Variants in MYOF observed in about 807,000 individuals in gnomAD.
MYOF encodes myoferlin.
A neutral mutation model predicts 284.2 loss-of-function variants in MYOF; 244 were observed. The observed-to-expected ratio is 0.86, with a 90% CI of 0.77 to 0.95. MYOF has a LOEUF of 0.95. MYOF is among the 40% of genes least tolerant of loss of function. The probability of loss-of-function intolerance (pLI) is 0.00; values close to 1 mark genes in which losing one functional copy is unlikely to be tolerated. For missense variants in MYOF, 2,496 were observed against 2,560.6 expected (o/e 0.97, Z 0.54); for synonymous variants, 904 against 919.7 (o/e 0.98, Z 0.31).
intron 5 of MYOF, among the ~76,000 whole-genome samples, chr10:93,416,526 A>AAAAAAG (rs374561844): frequency 2.0e-5 from 3 of 151,982 alleles, no homozygotes; most frequent in African/African-American, 7.3e-5. Context: ...CCATCTGAAG[A>AAAAAAG]AAAAAGAAAA....
At chr10:93,456,661 G>A (rs2056750439) in intron 2 of MYOF, among the ~76,000 whole-genome samples, 1 of 152,166 alleles carries the variant, frequency 6.6e-6, no homozygotes, top group South Asian at 2.1e-4. Context: ...TGCCAGTCCA[G>A]GCTTCCCTTG....
intron 1 of MYOF, among the ~76,000 whole-genome samples, chr10:93,457,975 C>T (rs777702736): frequency 3.8e-4 from 57 of 151,512 alleles, no homozygotes; most frequent in Non-Finnish European, 7.4e-4. Flanking sequence ...AACCCCTGAG[C>T]TCAAGTGATC....
At chr10:93,332,818 G>A (rs1160890839) in intron 43 of MYOF, among the ~76,000 whole-genome samples, 1 of 152,110 alleles carries the variant, frequency 6.6e-6, no homozygotes. Flanking sequence ...CTGCACTCCA[G>A]CATGGGTGAC....
intron 3 of MYOF, among the ~76,000 whole-genome samples, chr10:93,432,612 T>A (rs900811772): frequency 9.9e-5 from 15 of 152,172 alleles, no homozygotes; most frequent in Admixed American, 1.3e-4. Context: ...TAGGGTTAGC[T>A]TGCTGTCCCC....
chr10:93,418,200 C>A (rs1469901164), intron 5 of MYOF, among the ~76,000 whole-genome samples: 1 of 152,132 alleles, frequency 6.6e-6, no homozygotes, highest in African/African-American at 2.4e-5. Flanking sequence ...AAGGTCATTG[C>A]CCAAGCACAA....
At chr10:93,330,471 G>A (rs1227854704) in intron 43 of MYOF, among the ~76,000 whole-genome samples, 1 of 152,184 alleles carries the variant, frequency 6.6e-6, no homozygotes, top group Non-Finnish European at 1.5e-5. Context: ...AGGGGAGTGA[G>A]TGTGATTCAC....
At chr10:93,365,696 T>C (rs1436104557) in intron 26 of MYOF, among the ~76,000 whole-genome samples, 2 of 152,224 alleles carry the variant, frequency 1.3e-5, no homozygotes, top group Non-Finnish European at 2.9e-5. Context: ...GAGTCTCTTG[T>C]GTTTCTGCGC....
intron 50 of MYOF, among the ~76,000 whole-genome samples, chr10:93,313,582 T>G (rs915409912): frequency 1.3e-5 from 2 of 152,156 alleles, no homozygotes; most frequent in Non-Finnish European, 2.9e-5. Flanking sequence ...CATTTGGCTT[T>G]GGGTAAAGAC....
chr10:93,382,429 TAAAG>T (rs1846168597), intron 19 of MYOF, among the ~76,000 whole-genome samples: 2 of 152,172 alleles, frequency 1.3e-5, no homozygotes, highest in Admixed American at 1.3e-4. Context: ...GAAATAACAA[TAAAG>T]ATTTTCATGT....
At chr10:93,469,700 G>T (rs1235155637) in intron 1 of MYOF, among the ~76,000 whole-genome samples, 2 of 152,144 alleles carry the variant, frequency 1.3e-5, no homozygotes, top group Admixed American at 6.6e-5. Flanking sequence ...GAGTTCACGT[G>T]CCTGACCACA....
chr10:93,402,762 C>A, intron 10 of MYOF, 98 bp downstream of exon 10: 2 of 1,073,520 alleles, frequency 1.9e-6, no homozygotes, highest in Non-Finnish European at 2.7e-6. Flanking sequence ...AACTTTAATT[C>A]TTTGATCCCC....
chr10:93,480,822 A>G (rs893978714), intron 1 of MYOF, among the ~76,000 whole-genome samples: 7 of 152,072 alleles, frequency 4.6e-5, no homozygotes, highest in African/African-American at 1.7e-4. Flanking sequence ...TCATCCTCAG[A>G]GAGAGAGGTT....
intron 3 of MYOF, among the ~76,000 whole-genome samples, chr10:93,441,612 G>A (rs567360491): frequency 9.3e-4 from 137 of 146,686 alleles, no homozygotes; most frequent in Non-Finnish European, 1.5e-3. Context: ...CACCCAGGCC[G>A]GAGTGCAATG....
At position 93,431,439 on chromosome 10, in the gene MYOF, G is replaced by T; in HGVS notation, c.314C>A (p.Ser105Tyr). 1 of 1,614,058 alleles carries T rather than the reference G, an allele frequency of 6.2e-7. No individual in the cohort carries two copies. Among genetic ancestry groups the T allele is most frequent in the Non-Finnish European group, 8.5e-7 (1 of 1,179,968 alleles). The part of the protein sequence containing the change: ...QSRSLPYKLI[S>Y]LLNEKGQDTG... ...ATCTTGCCCTTTTTCATTTAGCAGG[G>T]AGATCAGCTTGTACGGCAGGGATCT... The change falls in exon 4 of 54, where the codon TCC becomes TAC. Residue 105 changes from serine (S) to tyrosine (Y), a missense_variant. Transcript: ENST00000359263.
At chr10:93,481,850 T>C (rs2057385941) in intron 1 of MYOF, among the ~76,000 whole-genome samples, 2 of 152,174 alleles carry the variant, frequency 1.3e-5, no homozygotes. Flanking sequence ...GATTCGCAAA[T>C]ACGTTTTCTG....
intron 1 of MYOF, among the ~76,000 whole-genome samples, chr10:93,472,170 A>T (rs1357023740): frequency 6.6e-6 from 1 of 152,186 alleles, no homozygotes; most frequent in Non-Finnish European, 1.5e-5. Context: ...GAGCTAATGC[A>T]GCAAGTGTGA....
At chr10:93,316,839 G>A in intron 49 of MYOF, 26 bp from the exon 50 acceptor site, 1 of 1,583,036 alleles carries the variant, frequency 6.3e-7, no homozygotes, top group East Asian at 2.2e-5. Flanking sequence ...ACATGATCAT[G>A]ATGACTCTGA....
At chr10:93,431,749 T>TTC (rs2134220472) in intron 3 of MYOF, among the ~76,000 whole-genome samples, 1 of 148,998 alleles carries the variant, frequency 6.7e-6, no homozygotes, top group South Asian at 2.1e-4. Flanking sequence ...TTCTTTTCTT[T>TTC]TTTTTTTTTT....
At chr10:93,339,041 T>A in intron 39 of MYOF, among the ~76,000 whole-genome samples, 1 of 108,438 alleles carries the variant, frequency 9.2e-6, no homozygotes, top group Non-Finnish European at 1.8e-5. Context: ...TGAGACGGAG[T>A]CTCACTCTGT....
Sources: gnomAD v4.1 joint callset for allele counts (sites outside exome capture counted in the v4.1 genomes callset) on GRCh38, gnomAD v4.1.1 for gene constraint, MANE v1.5 for transcripts, NCBI Gene and HGNC (gene_info 2026-07-23, HGNC 2026-07-21) for gene names.